Variants in PITPNC1 observed in about 807,000 individuals in gnomAD.
The protein encoded by PITPNC1 is phosphatidylinositol transfer protein cytoplasmic 1.
In PITPNC1, 18 loss-of-function variants were observed where a neutral mutation model predicts 44.7. The ratio of observed to expected loss-of-function variants is 0.40; its 90% confidence interval spans 0.28 to 0.60. The LOEUF is 0.60. Ranked by LOEUF, PITPNC1 falls within the 20% of genes least tolerant of loss-of-function variation. The pLI is 0.39. For synonymous variants in PITPNC1, 141 were observed against 149.6 expected (o/e 0.94, Z 0.42); for missense variants, 290 against 418.4 (o/e 0.69, Z 2.68).
rs144751795 is a variant in PITPNC1, at chr17:67,602,365, A to G, written c.366+24108A>G. ...TGGAGCAAAAGTAACTAGAGCTTTC[A>G]GATTTCAGAAGTGGAATAATTCCAG... On this transcript the variant is annotated intron_variant, in intron 5 of 8. Coordinates refer to ENST00000581322, the MANE Select transcript of PITPNC1 (RefSeq NM_012417.4). Among the ~76,000 whole-genome samples the G allele has an allele frequency of 2.8e-3, 421 of 152,272 alleles. 5 individuals are homozygous for G. Among genetic ancestry groups the G allele is most frequent in the African/African-American group, 9.8e-3 (409 of 41,556 alleles).
chr17:67,466,698 T>G (rs554986668), intron 1 of PITPNC1, among the ~76,000 whole-genome samples: 1 of 152,284 alleles, frequency 6.6e-6, no homozygotes, highest in Admixed American at 6.5e-5. Context: ...AGGAGTCAGA[T>G]GTCTGCACCT....
At chr17:67,691,096 C>G (rs2042919045) in intron 8 of PITPNC1, among the ~76,000 whole-genome samples, 1 of 116,434 alleles carries the variant, frequency 8.6e-6, no homozygotes, top group Non-Finnish European at 1.7e-5. Flanking sequence ...GAGCAAGACT[C>G]TATCTCAAAT....
intron 1 of PITPNC1, among the ~76,000 whole-genome samples, chr17:67,387,791 ATTGT>A (rs1442044401): frequency 1.3e-5 from 2 of 152,122 alleles, no homozygotes; most frequent in African/African-American, 2.4e-5. Context: ...ATTTTGTTTA[ATTGT>A]TTGTTGTCTA....
intron 7 of PITPNC1, among the ~76,000 whole-genome samples, chr17:67,674,062 T>C (rs773515758): frequency 1.3e-5 from 2 of 152,026 alleles, no homozygotes; most frequent in Non-Finnish European, 2.9e-5. Flanking sequence ...GTGTAAACAT[T>C]TAGGGGGTAC....
chr17:67,621,006 G>A (rs1422548556), intron 5 of PITPNC1, among the ~76,000 whole-genome samples: 1 of 151,898 alleles, frequency 6.6e-6, no homozygotes, highest in Admixed American at 6.6e-5. Context: ...GGCGTCTCTG[G>A]ACCACACTGC....
At chr17:67,406,115 C>T (rs1251808821) in intron 1 of PITPNC1, among the ~76,000 whole-genome samples, 6 of 152,198 alleles carry the variant, frequency 3.9e-5, no homozygotes, top group African/African-American at 7.2e-5. Context: ...CCCATCACCA[C>T]TATTCAATTC....
At chr17:67,569,915 A>AT (rs997724209) in intron 4 of PITPNC1, among the ~76,000 whole-genome samples, 3 of 152,158 alleles carry the variant, frequency 2.0e-5, no homozygotes, top group African/African-American at 7.2e-5. Context: ...AAAAGAAAAG[A>AT]TTTTTCATGA....
At chr17:67,688,977 C>T (rs1412130741) in intron 8 of PITPNC1, among the ~76,000 whole-genome samples, 1 of 152,152 alleles carries the variant, frequency 6.6e-6, no homozygotes, top group Non-Finnish European at 1.5e-5. Context: ...CCAAGGCGGG[C>T]GTATCACCTG....
intron 6 of PITPNC1, among the ~76,000 whole-genome samples, chr17:67,659,543 CA>C (rs1365987163): frequency 6.6e-6 from 1 of 152,134 alleles, no homozygotes; most frequent in Non-Finnish European, 1.5e-5. Context: ...TAAACTGACA[CA>C]ATGTCTCTTC....
chr17:67,398,944 G>A (rs2038262984), intron 1 of PITPNC1, among the ~76,000 whole-genome samples: 1 of 149,414 alleles, frequency 6.7e-6, no homozygotes, highest in Non-Finnish European at 1.5e-5. Flanking sequence ...CAAAGGCCGA[G>A]TAACCATAGA....
chr17:67,441,065 A>G (rs1350276675), intron 1 of PITPNC1, among the ~76,000 whole-genome samples: 1 of 152,128 alleles, frequency 6.6e-6, no homozygotes. Flanking sequence ...TTTTAACTTT[A>G]CAGGACATAT....
intron 8 of PITPNC1, among the ~76,000 whole-genome samples, chr17:67,691,205 A>T (rs2042921445): frequency 6.6e-6 from 1 of 152,210 alleles, no homozygotes; most frequent in South Asian, 2.1e-4. Context: ...GACCCTGAGA[A>T]GGAACTAAGG....
intron 1 of PITPNC1, among the ~76,000 whole-genome samples, chr17:67,490,132 G>A (rs943882713): frequency 1.6e-4 from 24 of 148,968 alleles, no homozygotes; most frequent in African/African-American, 6.0e-4. Flanking sequence ...GTGTGTGTGT[G>A]TGTGTGTGTG....
intron 1 of PITPNC1, chr17:67,457,776 A>G (rs2039276640): frequency 6.6e-6 from 1 of 152,230 alleles, no homozygotes; most frequent in Non-Finnish European, 1.5e-5. Context: ...TATTCTGCTT[A>G]GAACTTGGTA....
chr17:67,549,928 T>G (rs1292750705), intron 2 of PITPNC1, among the ~76,000 whole-genome samples: 1 of 152,106 alleles, frequency 6.6e-6, no homozygotes, highest in Non-Finnish European at 1.5e-5. Context: ...AATCCACATC[T>G]TCCCACACTA....
At chr17:67,534,578 G>A (rs916589425) in intron 2 of PITPNC1, among the ~76,000 whole-genome samples, 7 of 151,900 alleles carry the variant, frequency 4.6e-5, no homozygotes, top group African/African-American at 1.7e-4. Context: ...GTTGAGGGCT[G>A]CAGTGAGCTG....
chr17:67,385,827 C>T (rs2038039244), intron 1 of PITPNC1, among the ~76,000 whole-genome samples: 1 of 152,002 alleles, frequency 6.6e-6, no homozygotes, highest in Non-Finnish European at 1.5e-5. Flanking sequence ...ACTAATGGAA[C>T]AGACAAGGAG....
chr17:67,650,928 G>C (rs905366478), intron 6 of PITPNC1, among the ~76,000 whole-genome samples: 1 of 152,186 alleles, frequency 6.6e-6, no homozygotes, highest in African/African-American at 2.4e-5. Context: ...CTACACATCA[G>C]ATGCACCTTA....
chr17:67,389,444 C>G (rs768962270), intron 1 of PITPNC1, among the ~76,000 whole-genome samples: 1 of 152,212 alleles, frequency 6.6e-6, no homozygotes, highest in Non-Finnish European at 1.5e-5. Flanking sequence ...AACATCCATT[C>G]ACAGATACTT....
Sources: gnomAD v4.1 joint callset for allele counts (sites outside exome capture counted in the v4.1 genomes callset) on GRCh38, gnomAD v4.1.1 for gene constraint, MANE v1.5 for transcripts, NCBI Gene and HGNC (gene_info 2026-07-23, HGNC 2026-07-21) for gene names.